The following DLC1 variants were observed in gnomAD, a reference collection of about 807,000 sequenced individuals.
The protein encoded by DLC1 is rho GTPase-activating protein 7.
DLC1 carries 54 observed loss-of-function variants against 140.3 expected under a neutral mutation model. The observed-to-expected ratio is 0.38, with a 90% CI of 0.31 to 0.48. The LOEUF is 0.48. Ranked by LOEUF, DLC1 falls within the 20% of genes least tolerant of loss-of-function variation. The pLI is 0.96. For synonymous variants in DLC1, 986 were observed against 728.1 expected (o/e 1.35, Z -5.70); for missense variants, 2,536 against 1,907.0 (o/e 1.33, Z -6.14).
At chr8:13,510,303 A>T (rs1040665432) in intron 1 of DLC1, among the ~76,000 whole-genome samples, 8 of 151,812 alleles carry the variant, frequency 5.3e-5, no homozygotes, top group African/African-American at 1.9e-4. Context: ...CCTCCTGAGC[A>T]GCTGGGATTA....
At chr8:13,449,483 A>T (rs1187994644) in intron 2 of DLC1, among the ~76,000 whole-genome samples, 1 of 152,208 alleles carries the variant, frequency 6.6e-6, no homozygotes. Flanking sequence ...AGGATGCATC[A>T]TTGGCAAACA....
At chr8:13,520,921 G>C (rs1413821637) in intron 1 of DLC1, among the ~76,000 whole-genome samples, 1 of 151,992 alleles carries the variant, frequency 6.6e-6, no homozygotes, top group South Asian at 2.1e-4. Flanking sequence ...AATATTCTCT[G>C]AAATCCTCAA....
At chr8:13,488,238 G>T (rs571059618) in intron 2 of DLC1, among the ~76,000 whole-genome samples, 1 of 152,298 alleles carries the variant, frequency 6.6e-6, no homozygotes, top group South Asian at 2.1e-4. Context: ...TAGTGGGAAT[G>T]AATACCTAAT....
intron 4 of DLC1, among the ~76,000 whole-genome samples, chr8:13,348,958 C>T (rs375943417): frequency 7.2e-5 from 11 of 152,140 alleles, no homozygotes; most frequent in African/African-American, 2.7e-4. Context: ...TTGGAGGCAG[C>T]AGCCGCTCTG....
intron 1 of DLC1, among the ~76,000 whole-genome samples, chr8:13,536,494 A>G (rs1803289398): frequency 6.6e-6 from 1 of 152,180 alleles, no homozygotes; most frequent in Non-Finnish European, 1.5e-5. Flanking sequence ...CATATTCAGT[A>G]TTTAATTGGA....
At chr8:13,206,828 C>T (rs1020328515) in intron 5 of DLC1, among the ~76,000 whole-genome samples, 2 of 151,804 alleles carry the variant, frequency 1.3e-5, no homozygotes, top group African/African-American at 2.4e-5. Context: ...TATCTCAGAG[C>T]AAAGAACTCG....
Position 13,581,592 on chromosome 8 carries a change from T to C in DLC1, c.-126+22945A>G, listed in dbSNP as rs146653220. ...GTCTTTATATCCACTGTCACCCACC[T>C]TATTTCAGGCTTAAACTATTGAATT... On this transcript the variant is annotated intron_variant, in intron 1 of 1. Transcript: ENST00000631382. Among the ~76,000 whole-genome samples the C allele has an allele frequency of 4.0e-3, 604 of 152,332 alleles. 6 individuals carry two copies. Among genetic ancestry groups the C allele is most frequent in the African/African-American group, 0.014 (577 of 41,564 alleles).
intron 1 of DLC1, among the ~76,000 whole-genome samples, chr8:13,540,019 A>G (rs1356877918): frequency 2.6e-5 from 4 of 152,214 alleles, no homozygotes; most frequent in Non-Finnish European, 5.9e-5. Context: ...GTTCACAGAG[A>G]TGTGTGCAGC....
chr8:13,390,318 T>TAGTA (rs1836694627), intron 4 of DLC1, among the ~76,000 whole-genome samples: 1 of 152,224 alleles, frequency 6.6e-6, no homozygotes, highest in African/African-American at 2.4e-5. Flanking sequence ...TATGGCTGCA[T>TAGTA]AGTATTCCAT....
intron 5 of DLC1, among the ~76,000 whole-genome samples, chr8:13,150,655 C>G (rs994023230): frequency 6.6e-6 from 1 of 152,220 alleles, no homozygotes; most frequent in East Asian, 1.9e-4. Flanking sequence ...TTGTCTTTAA[C>G]TCAGTCTTAG....
chr8:13,404,815 T>C (rs551563278), intron 2 of DLC1, among the ~76,000 whole-genome samples: 1 of 152,010 alleles, frequency 6.6e-6, no homozygotes, highest in African/African-American at 2.4e-5. Context: ...CTGGCCAACA[T>C]GGTGAAACCC....
intron 10 of DLC1, 75 bp downstream of exon 10, chr8:13,098,324 C>T: frequency 1.3e-6 from 2 of 1,531,830 alleles, no homozygotes; most frequent in Non-Finnish European, 1.8e-6. Flanking sequence ...TCATTTTTTA[C>T]TGTGGGGACA....
intron 5 of DLC1, among the ~76,000 whole-genome samples, chr8:13,303,985 T>A (rs1385975551): frequency 6.6e-6 from 1 of 152,036 alleles, no homozygotes; most frequent in Non-Finnish European, 1.5e-5. Context: ...AGCCAACAAC[T>A]CACATCCTCA....
At chr8:13,166,036 T>TA (rs1455570539) in intron 5 of DLC1, among the ~76,000 whole-genome samples, 1 of 152,152 alleles carries the variant, frequency 6.6e-6, no homozygotes, top group Non-Finnish European at 1.5e-5. Context: ...TTCCACATCT[T>TA]AAAGTATATG....
chr8:13,249,032 T>G (rs752251719), intron 5 of DLC1, among the ~76,000 whole-genome samples: 1 of 152,152 alleles, frequency 6.6e-6, no homozygotes, highest in Non-Finnish European at 1.5e-5. Flanking sequence ...TTTCCATTCC[T>G]CAGTGATGCC....
At chr8:13,173,058 T>G (rs1825570213) in intron 5 of DLC1, among the ~76,000 whole-genome samples, 1 of 152,236 alleles carries the variant, frequency 6.6e-6, no homozygotes, top group Admixed American at 6.5e-5. Context: ...GTTTTGAAAT[T>G]TCTTGAATCA....
intron 4 of DLC1, among the ~76,000 whole-genome samples, chr8:13,325,840 A>T (rs1166968377): frequency 1.3e-5 from 2 of 152,230 alleles, no homozygotes; most frequent in African/African-American, 4.8e-5. Context: ...ATAGCTTTTA[A>T]TCAGTCATCC....
At chr8:13,485,423 T>G (rs1049044475) in intron 2 of DLC1, among the ~76,000 whole-genome samples, 39 of 152,350 alleles carry the variant, frequency 2.6e-4, no homozygotes, top group African/African-American at 9.4e-4. Flanking sequence ...TATTTTCTGC[T>G]GTCTCAAGTG....
chr8:13,526,609 C>G (rs1802927537), intron 1 of DLC1, among the ~76,000 whole-genome samples: 1 of 152,054 alleles, frequency 6.6e-6, no homozygotes, highest in Non-Finnish European at 1.5e-5. Context: ...AGGATGAGTT[C>G]ATGTCCTTTA....
Sources: gnomAD v4.1 joint callset for allele counts (sites outside exome capture counted in the v4.1 genomes callset) on GRCh38, gnomAD v4.1.1 for gene constraint, MANE v1.5 for transcripts, NCBI Gene and HGNC (gene_info 2026-07-23, HGNC 2026-07-21) for gene names.